The following KCNH2 variants were observed in gnomAD, a reference collection of about 807,000 sequenced individuals.
KCNH2 encodes the protein potassium voltage-gated channel subfamily H member 2.
A neutral mutation model predicts 95.9 loss-of-function variants in KCNH2; 35 were observed. The observed-to-expected ratio is 0.37, with a 90% CI of 0.28 to 0.48. The LOEUF (loss-of-function observed/expected upper bound fraction) is 0.48, where lower values mean the gene tolerates loss of function less well. Ranked by LOEUF, KCNH2 falls within the 20% of genes least tolerant of loss-of-function variation. The pLI is 0.99. For missense variants in KCNH2, 1,274 were observed against 1,702.9 expected (o/e 0.75, Z 4.43); for synonymous variants, 786 against 754.7 (o/e 1.04, Z -0.68).
chr7:150,975,039 A>C (rs1801946427), intron 1 of KCNH2, 98 bp from the exon 2 acceptor site: 2 of 1,038,560 alleles, frequency 1.9e-6, no homozygotes, highest in African/African-American at 1.6e-5. Flanking sequence ...CCGCCCGGGG[A>C]CTCCCCGCCA....
Position 150,962,325 on chromosome 7 carries a change from C to A in KCNH2, c.308-2589G>T, listed in dbSNP as rs1183661549. On this transcript the variant is annotated intron_variant, in intron 2 of 14. Coordinates refer to ENST00000262186, the MANE Select transcript of KCNH2 (RefSeq NM_000238.4). This position sits in a 1 kb window ranked among gnomAD's most constrained non-coding sequence, Gnocchi z 5.7. The stretch of plus-strand genomic sequence containing the variant: ...GCCAGCCAGGCCCTCGAACCTAAGT[C>A]CTCCACCAGGGAGCTTGCCTCAGAG... Among the ~76,000 whole-genome samples, 2 of 152,186 alleles carry A rather than the reference C, an allele frequency of 1.3e-5. No individual in the cohort carries two copies. Among genetic ancestry groups the A allele is most frequent in the East Asian group, 3.9e-4 (2 of 5,192 alleles).
At chr7:150,949,601 A>G in intron 9 of KCNH2, 1 of 1,079,440 alleles carries the variant, frequency 9.3e-7, no homozygotes, top group Non-Finnish European at 1.1e-6. Flanking sequence ...AAAATGTCCT[A>G]CCATCAACTA....
rs1296505812 is a variant in KCNH2, at chr7:150,958,452, C to A, written c.523G>T (p.Ala175Ser). 13 of 1,466,192 alleles carry A rather than the reference C, an allele frequency of 8.9e-6. No homozygotes were observed. The highest frequency in any genetic ancestry group is 4.5e-6 in the Non-Finnish European group (5 of 1,115,510). 90.8% of individuals were successfully genotyped at this position (1,466,192 alleles called of 1,614,324 possible). ...CCCGACCGCACCGACGACTCCCGGG[C>A]CGTCAGCGCCAGCAGCGCGGGCAGC... ...LKLPALLALT[A>S]RESSVRSGGA... The change falls in exon 4 of 15, where the codon GCC becomes TCC. Residue 175 changes from alanine to serine, a missense_variant. Physicochemically the swap from Ala to Ser is moderately conservative, Grantham distance 99 (BLOSUM62 1). This residue lies in a region of KCNH2 where 392 missense variants were observed against 429.9 expected (regional missense o/e 0.91). Coordinates refer to ENST00000262186, the MANE Select transcript of KCNH2 (RefSeq NM_000238.4).
intron 10 of KCNH2, 52 bp downstream of exon 10, chr7:150,948,785 TCACACAGCAAAGGGGCAGC>T: frequency 7.2e-7 from 1 of 1,390,750 alleles, no homozygotes; most frequent in Non-Finnish European, 1.0e-6. Context: ...ACATTCAATG[TCACACAGCAAAGGGGCAGC>T]CACACAGCTG....
chr7:150,976,367 C>G (rs558146449), intron 1 of KCNH2, among the ~76,000 whole-genome samples: 2 of 152,094 alleles, frequency 1.3e-5, no homozygotes, highest in Non-Finnish European at 1.5e-5. Flanking sequence ...GTTCCCAAGG[C>G]CCCCCAGACC....
At chr7:150,970,669 G>C (rs1170923473) in intron 2 of KCNH2, among the ~76,000 whole-genome samples, 9 of 152,288 alleles carry the variant, frequency 5.9e-5, no homozygotes, top group Admixed American at 1.3e-4. Flanking sequence ...TCGGAAGCAG[G>C]GCCCCCATGG....
In KCNH2 at chr7:150,945,190, A is replaced by G; in HGVS notation, c.*175T>C. 1 of 713,554 alleles carries G rather than the reference A, an allele frequency of 1.4e-6. No homozygotes were observed. Among genetic ancestry groups the G allele is most frequent in the Non-Finnish European group, 2.3e-6 (1 of 443,042 alleles). The allele number at this position is 713,554 out of a possible 1,614,324, so 44.2% of individuals were successfully genotyped here. A position where few individuals can be genotyped will look rare whatever the true frequency, so the allele number is the denominator to read the frequency against. On this transcript the variant is annotated 3_prime_UTR_variant, in exon 15 of 15. Transcript: ENST00000262186. This position sits in a 1 kb window ranked among gnomAD's most constrained non-coding sequence, Gnocchi z 5.6. ...TGCCGGCCCTGCCCCTGCCCCTCTC[A>G]CTGGGGCCCAGGGGACTGCAGGAGA...
rs1387217047 is a variant in KCNH2, at chr7:150,978,193, G to A, written c.-280C>T. Reference sequence around the variant, plus strand: ...GCCGAGCCGCGGGGCCCGCTCCGCCGCGTCCCCGCGCTGCGCTCCGCCCGC... The same window carrying A: ...GCCGAGCCGCGGGGCCCGCTCCGCCACGTCCCCGCGCTGCGCTCCGCCCGC... On this transcript the variant is annotated 5_prime_UTR_variant, in exon 1 of 15. Coordinates refer to ENST00000262186, the MANE Select transcript of KCNH2 (RefSeq NM_000238.4). 6.9e-6 allele frequency: 1 copy of A among 145,270 alleles called. No individual in the cohort carries two copies. The highest frequency in any genetic ancestry group is 2.5e-5 in the African/African-American group (1 of 40,304). The allele number at this position is 145,270 out of a possible 1,614,324, so 9.0% of individuals were successfully genotyped here.
chr7:150,954,216 G>A (rs1428212116), intron 5 of KCNH2, among the ~76,000 whole-genome samples: 1 of 152,020 alleles, frequency 6.6e-6, no homozygotes, highest in East Asian at 1.9e-4. Context: ...GCTCCTTAAG[G>A]CAGAGAGCAA....
rs532959204 is a variant in KCNH2, at chr7:150,959,702, G to A, written c.342C>T (p.Pro114=). Residue 114 remains proline, a synonymous_variant, in exon 3 of 15, where the codon CCC becomes CCT. Coordinates refer to ENST00000262186, the MANE Select transcript of KCNH2 (RefSeq NM_000238.4). ...SCFLCLVDVV[P]VKNEDGAVIM... ...TGACAGCCCCATCCTCGTTCTTCACGGGCACCACATCCACCAGACATAGGA... is the reference window on the plus strand; with the variant it reads ...TGACAGCCCCATCCTCGTTCTTCACAGGCACCACATCCACCAGACATAGGA... 7.4e-5 allele frequency: 120 copies of A among 1,614,120 alleles called. 1 individual carries two copies. Among genetic ancestry groups the A allele is most frequent in the South Asian group, 7.4e-4 (67 of 91,076 alleles).
rs1171129234 is a variant in KCNH2, at chr7:150,958,325, G to A, written c.650C>T (p.Ala217Val). ...GAGCCCTGCCACGTGGTTGTCCATG[G>A]CTGTCACTTCGTCCAGGGCCAGCGA... is the stretch of plus-strand genomic sequence containing the variant. ...SESLALDEVTAMDNHVAGLGP... is the reference protein window; with the variant it reads ...SESLALDEVTVMDNHVAGLGP... The change falls in exon 4 of 15, where the codon GCC (alanine) becomes GTC (valine). Residue 217 changes from alanine (A) to valine (V), a missense_variant. Ala to Val is a moderately conservative substitution (Grantham distance 64). This residue lies in a region of KCNH2 where 392 missense variants were observed against 429.9 expected (regional missense o/e 0.91). Transcript: ENST00000262186. 1.3e-6 allele frequency: 2 copies of A among 1,489,344 alleles called. No homozygotes were observed. The highest frequency in any genetic ancestry group is 1.8e-6 in the Non-Finnish European group (2 of 1,126,912). The allele number at this position is 1,489,344 out of a possible 1,614,324, so 92.3% of individuals were successfully genotyped here.
At chr7:150,977,296 A>G (rs537490731) in intron 1 of KCNH2, among the ~76,000 whole-genome samples, 54 of 152,270 alleles carry the variant, frequency 3.5e-4, no homozygotes, top group Non-Finnish European at 2.8e-4. Flanking sequence ...CCGCCCATAC[A>G]GGGTCTAACT....
chr7:150,955,048 T>G (rs976676243), intron 5 of KCNH2, among the ~76,000 whole-genome samples: 1 of 152,158 alleles, frequency 6.6e-6, no homozygotes, highest in Non-Finnish European at 1.5e-5. Flanking sequence ...TGCCGGCTTC[T>G]CCTGGTCCTG....
At position 150,945,792 on chromosome 7, in the gene KCNH2, CCT is replaced by C. The variant is rs1800867762; in HGVS notation, c.3331-280_3331-279del. Among the ~76,000 whole-genome samples, 1 of 152,202 alleles carries C rather than the reference CCT, an allele frequency of 6.6e-6. No individual in the cohort carries two copies. ...CTGGGAGCAGGGAAAACCCTAGGCC[CCT>C]GTCTCTTCCCGAGGGAATGTGGCCG... On this transcript the variant is annotated intron_variant, in intron 14 of 14. Transcript: ENST00000262186. The surrounding 1 kb of genome is among the most constrained non-coding windows in gnomAD (Gnocchi z 5.6).
rs1036885088 is a variant in KCNH2, at chr7:150,948,900, C to A, written c.2548G>T (p.Asp850Tyr). The A allele has an allele frequency of 5.0e-6, 8 of 1,614,178 alleles. No individual in the cohort carries two copies. Among genetic ancestry groups the A allele is most frequent in the Non-Finnish European group, 6.8e-6 (8 of 1,180,032 alleles). The stretch of plus-strand genomic sequence containing the variant: ...ATCTCCAGGCTGGACCAGAAGTGGT[C>A]GGAGAACTCAGGGTACATGTCCAGC... ...EVLDMYPEFS[D>Y]HFWSSLEITF... Residue 850 changes from aspartate (D) to tyrosine (Y), a missense_variant, in exon 10 of 15, where the codon GAC becomes TAC. By Grantham distance (160) the Asp-to-Tyr change is radical (BLOSUM62 -3). Transcript: ENST00000262186.
intron 2 of KCNH2, 43 bp from the exon 3 acceptor site, chr7:150,959,779 G>A (rs377524351): frequency 1.2e-6 from 2 of 1,612,668 alleles, no homozygotes; most frequent in South Asian, 2.2e-5. Flanking sequence ...CCCACTCAGT[G>A]GGCAGAGCAG....
In KCNH2 at chr7:150,959,772, A is replaced by T. The variant is rs41308960; in HGVS notation, c.308-36T>A. 2.9e-4 allele frequency: 469 copies of T among 1,613,392 alleles called. 1 individual carries two copies. In the African/African-American group the frequency reaches 5.0e-3, roughly 17 times the overall value. On this transcript the variant is annotated intron_variant, in intron 2 of 14. Coordinates refer to ENST00000262186, the MANE Select transcript of KCNH2 (RefSeq NM_000238.4). ...GGAGGACATAGCCCCCTTGGCACCC[A>T]CTCAGTGGGCAGAGCAGAAAGCCAC...
chr7:150,970,827 C>G (rs1487041917), intron 2 of KCNH2, among the ~76,000 whole-genome samples: 1 of 152,130 alleles, frequency 6.6e-6, no homozygotes, highest in Non-Finnish European at 1.5e-5. Flanking sequence ...AGGAAAAGTT[C>G]TCCTGTGTCT....
At chr7:150,973,640 G>A (rs796981459) in intron 2 of KCNH2, among the ~76,000 whole-genome samples, 1 of 152,290 alleles carries the variant, frequency 6.6e-6, no homozygotes, top group African/African-American at 2.4e-5. Context: ...GACTGTGCAC[G>A]CCTGCAAAAG....
Sources: allele counts gnomAD v4.1 joint callset (sites outside exome capture counted in the v4.1 genomes callset), GRCh38; gene constraint gnomAD v4.1.1; regional missense constraint gnomAD v4.1.1; non-coding constraint Gnocchi (gnomAD v3.1); transcripts MANE v1.5; gene names NCBI Gene and HGNC (gene_info 2026-07-23, HGNC 2026-07-21).